Variants in CRY1 observed in about 807,000 individuals in gnomAD.
The protein encoded by CRY1 is cryptochrome circadian regulator 1, also known as cryptochrome-1.
CRY1 carries 45 observed loss-of-function variants against 76.0 expected under a neutral mutation model. The ratio of observed to expected loss-of-function variants is 0.59; its 90% CI spans 0.47 to 0.76. The LOEUF is 0.76. CRY1 is among the 30% of genes least tolerant of loss of function. CRY1 has a pLI of 0.00. For missense variants in CRY1, 587 were observed against 716.4 expected (o/e 0.82, Z 2.06); for synonymous variants, 248 against 244.0 (o/e 1.02, Z -0.15).
intron 1 of CRY1, among the ~76,000 whole-genome samples, chr12:107,056,922 GACAA>G (rs1164625206): frequency 6.6e-6 from 1 of 151,884 alleles, no homozygotes; most frequent in Non-Finnish European, 1.5e-5. Context: ...CAAGAATTAA[GACAA>G]ACATATAGAC....
intron 1 of CRY1, among the ~76,000 whole-genome samples, chr12:107,062,001 G>GGACAACA (rs1953052652): frequency 7.6e-6 from 1 of 131,916 alleles, no homozygotes; most frequent in African/African-American, 3.0e-5. Context: ...ACTCCAGCCT[G>GGACAACA]GACAACAGAG....
rs927984821 is a variant in CRY1, at chr12:107,092,909, T to A, written c.53A>T (p.Asn18Ile). 1 of 1,607,172 alleles carries A rather than the reference T, an allele frequency of 6.2e-7. No individual in the cohort carries two copies. The highest frequency in any genetic ancestry group is 1.1e-5 in the South Asian group (1 of 90,408). ...CTGAATGCACTCCTTCAGGGCGGGG[T>A]TGTCGTGGAGCCGGAGCCCCTTTCG... ...WFRKGLRLHD[N>I]PALKECIQGA... Residue 18 changes from asparagine (N) to isoleucine (I), a missense_variant, in exon 1 of 13, where the codon AAC (asparagine) becomes ATC (isoleucine). By Grantham distance (149) the Asn-to-Ile change is moderately radical (BLOSUM62 -3). Coordinates refer to ENST00000008527, the MANE Select transcript of CRY1 (RefSeq NM_004075.5).
At chr12:107,047,562 C>T (rs1257164746) in intron 1 of CRY1, among the ~76,000 whole-genome samples, 1 of 152,090 alleles carries the variant, frequency 6.6e-6, no homozygotes, top group Non-Finnish European at 1.5e-5. Flanking sequence ...TGAATTTGTT[C>T]TCACAAGATC....
intron 1 of CRY1, among the ~76,000 whole-genome samples, chr12:107,028,529 T>C (rs1696574419): frequency 6.6e-6 from 1 of 152,146 alleles, no homozygotes. Context: ...ATAAAAGACC[T>C]AGATAATATA....
chr12:107,035,933 G>A (rs1952727754), intron 1 of CRY1, among the ~76,000 whole-genome samples: 2 of 152,158 alleles, frequency 1.3e-5, no homozygotes, highest in African/African-American at 4.8e-5. Context: ...GGGTTATGCT[G>A]CAGTAACAAA....
At chr12:107,051,627 C>T (rs1287306708) in intron 1 of CRY1, among the ~76,000 whole-genome samples, 1 of 152,154 alleles carries the variant, frequency 6.6e-6, no homozygotes, top group Non-Finnish European at 1.5e-5. Context: ...CATAAAGTTT[C>T]ACGAAGATAA....
rs980812871 is a variant in CRY1 at position 107,088,210 on chromosome 12, G to C, written c.158+4594C>G. 3.3e-5 allele frequency among the ~76,000 whole-genome samples: 5 copies of C among 152,134 alleles called. No individual in the cohort carries two copies. The East Asian group carries it at 7.7e-4, about 24-fold the overall frequency. On this transcript the variant is annotated intron_variant, in intron 1 of 12. Coordinates refer to ENST00000008527, the MANE Select transcript of CRY1 (RefSeq NM_004075.5). ...AGATAAGATCCCTCATGAATGGCTT[G>C]GTGCTATCACGTAATGAGTGACTTC...
intron 1 of CRY1, among the ~76,000 whole-genome samples, chr12:107,068,342 G>A (rs189221095): frequency 6.6e-6 from 1 of 152,240 alleles, no homozygotes; most frequent in Non-Finnish European, 1.5e-5. Context: ...CTTTTGCCCA[G>A]GCTGGAGTGC....
At chr12:107,001,526 T>C (rs937213847) in intron 4 of CRY1, among the ~76,000 whole-genome samples, 158 bp from the exon 5 acceptor site, 3 of 152,176 alleles carry the variant, frequency 2.0e-5, no homozygotes, top group African/African-American at 7.2e-5. Flanking sequence ...GGATATGACA[T>C]GGTTTCAATT....
intron 1 of CRY1, among the ~76,000 whole-genome samples, chr12:107,034,610 G>A (rs1952713407): frequency 6.6e-6 from 1 of 152,090 alleles, no homozygotes; most frequent in Non-Finnish European, 1.5e-5. Flanking sequence ...CAATGAATTC[G>A]GTTGCTCAAC....
intron 2 of CRY1, among the ~76,000 whole-genome samples, chr12:107,008,085 C>T (rs531887073): frequency 2.0e-5 from 3 of 152,320 alleles, no homozygotes; most frequent in African/African-American, 7.2e-5. Context: ...ATAAGCAGCA[C>T]CTCCCGCAGT....
Position 107,022,211 on chromosome 12 carries a change from TA to T in CRY1, c.159-20del. The T allele has an allele frequency of 1.5e-6, 2 of 1,355,966 alleles. No homozygotes were observed. Among genetic ancestry groups the T allele is most frequent in the Non-Finnish European group, 1.0e-6 (1 of 986,270 alleles). 84.0% of individuals were successfully genotyped at this position (1,355,966 alleles called of 1,614,324 possible). ...CAAAAATCTAGAGAGAAGAAAGTAT[TA>T]TTTAAATTATTAAAAAATACATATT... is the stretch of plus-strand genomic sequence containing the variant. On this transcript the variant is annotated intron_variant, in intron 1 of 12. Transcript: ENST00000008527.
chr12:107,086,952 TG>T (rs1953409692), intron 1 of CRY1, among the ~76,000 whole-genome samples: 1 of 147,858 alleles, frequency 6.8e-6, no homozygotes. Flanking sequence ...AAGAGAAAGG[TG>T]TGGTCAAATG....
chr12:106,997,837 C>CTTT (rs1952250780), intron 8 of CRY1, 78 bp downstream of exon 8: 2 of 1,562,348 alleles, frequency 1.3e-6, no homozygotes, highest in African/African-American at 2.7e-5. Context: ...GTGGGGAATA[C>CTTT]TTTAAGCATT....
intron 2 of CRY1, among the ~76,000 whole-genome samples, chr12:107,012,748 T>C (rs1952458994): frequency 6.6e-6 from 1 of 152,206 alleles, no homozygotes; most frequent in Admixed American, 6.5e-5. Context: ...AGAACACTTG[T>C]GATTCATGGG....
At chr12:107,007,705 T>C (rs576250442) in intron 2 of CRY1, among the ~76,000 whole-genome samples, 1 of 152,060 alleles carries the variant, frequency 6.6e-6, no homozygotes, top group South Asian at 2.1e-4. Flanking sequence ...AACTTAATTT[T>C]TTTTCGTAAA....
At chr12:107,019,877 C>G (rs985279155) in intron 2 of CRY1, among the ~76,000 whole-genome samples, 5 of 152,076 alleles carry the variant, frequency 3.3e-5, no homozygotes, top group Non-Finnish European at 2.9e-5. Context: ...TACAATGGCA[C>G]CACTGCACTA....
rs1376241748 is a variant in CRY1, at chr12:107,022,242, A to C, written c.159-50T>G. 5.3e-6 allele frequency: 6 copies of C among 1,130,358 alleles called. No individual in the cohort carries two copies. In the African/African-American group the frequency reaches 6.5e-5, roughly 12 times the overall value. 70.0% of individuals were successfully genotyped at this position (1,130,358 alleles called of 1,614,324 possible). On this transcript the variant is annotated intron_variant, in intron 1 of 12. Transcript: ENST00000008527. ...AATTATTAAAAAATACATATTTAGA[A>C]GACATAAATTATTACAAAGTCATGT...
chr12:107,017,543 C>T (rs1439558927), intron 2 of CRY1, among the ~76,000 whole-genome samples: 2 of 152,154 alleles, frequency 1.3e-5, no homozygotes, highest in Non-Finnish European at 1.5e-5. Context: ...GTTGTTTGGT[C>T]CACTCTCTAT....
Sources: allele counts gnomAD v4.1 joint callset (sites outside exome capture counted in the v4.1 genomes callset), GRCh38; gene constraint gnomAD v4.1.1; transcripts MANE v1.5; gene names NCBI Gene and HGNC (gene_info 2026-07-23, HGNC 2026-07-21).